Variants in CYRIA observed in about 807,000 individuals in gnomAD.
CYRIA encodes CYFIP related Rac1 interactor A, also known as CYFIP-related Rac1 interactor A.
Under a neutral mutation model 43.9 loss-of-function variants are expected in CYRIA, and 15 were observed. The ratio of observed to expected loss-of-function variants is 0.34; its 90% CI spans 0.23 to 0.53. CYRIA has a LOEUF of 0.53. Among genes scored for constraint, CYRIA ranks in the 20% least tolerant of loss-of-function variants. The pLI, the probability that CYRIA is intolerant of heterozygous loss-of-function variation, is 0.94. For missense variants in CYRIA, 236 were observed against 394.2 expected, an observed-to-expected ratio of 0.60 and a Z score of 3.40; for synonymous variants, 117 against 136.0, an observed-to-expected ratio of 0.86 and a Z score of 0.97.
chr2:16,630,479 A>G (rs1669294820), intron 1 of CYRIA, among the ~76,000 whole-genome samples: 1 of 152,044 alleles, frequency 6.6e-6, no homozygotes, highest in South Asian at 2.1e-4. Context: ...CTGTAGTTTA[A>G]CATCTCTCTG....
intron 1 of CYRIA, among the ~76,000 whole-genome samples, chr2:16,629,609 C>A (rs999293191): frequency 6.6e-6 from 1 of 152,218 alleles, no homozygotes; most frequent in Admixed American, 6.5e-5. Context: ...CAGCTCCTAG[C>A]AGCCCTAGAA....
chr2:16,606,443 T>C (rs1668399902), intron 2 of CYRIA, among the ~76,000 whole-genome samples: 1 of 151,888 alleles, frequency 6.6e-6, no homozygotes, highest in Non-Finnish European at 1.5e-5. Flanking sequence ...TTGAGACCCC[T>C]GGGATCATTC....
At chr2:16,663,650 G>A (rs1670320812) in intron 1 of CYRIA, among the ~76,000 whole-genome samples, 2 of 151,870 alleles carry the variant, frequency 1.3e-5, no homozygotes, top group African/African-American at 4.8e-5. Context: ...AATGCAAACT[G>A]AATTCTTCTT....
At position 16,615,988 on chromosome 2, in the gene CYRIA, T is replaced by C. The variant is rs565860700; in HGVS notation, c.-11+7876A>G. ...TCTTCTCTTCTGTTTCGCTCGATTA[T>C]CGCTGTGTGAGATCCTGCCCCAGAA... On this transcript the variant is annotated intron_variant, in intron 2 of 11. Coordinates refer to ENST00000381323, the MANE Select transcript of CYRIA (RefSeq NM_030797.4). Among the ~76,000 whole-genome samples the C allele has an allele frequency of 3.3e-5, 5 of 152,328 alleles. No individual in the cohort carries two copies. The South Asian group carries it at 1.0e-3, about 32-fold the overall frequency.
At chr2:16,616,615 C>T (rs1003320521) in intron 2 of CYRIA, among the ~76,000 whole-genome samples, 1 of 152,216 alleles carries the variant, frequency 6.6e-6, no homozygotes, top group Non-Finnish European at 1.5e-5. Flanking sequence ...ATGCTGGCCT[C>T]GGCTTTGCAA....
At chr2:16,600,035 C>T (rs987265396) in intron 2 of CYRIA, among the ~76,000 whole-genome samples, 6 of 152,340 alleles carry the variant, frequency 3.9e-5, no homozygotes, top group East Asian at 3.9e-4. Context: ...GGATTACAGG[C>T]GTGAGCCATC....
intron 1 of CYRIA, among the ~76,000 whole-genome samples, chr2:16,658,499 C>T (rs1163220907): frequency 6.6e-6 from 1 of 152,174 alleles, no homozygotes; most frequent in African/African-American, 2.4e-5. Context: ...AAGGAATTTG[C>T]CCAAGGAAAG....
At chr2:16,581,822 GAAAACGAA>G (rs1463419148) in intron 3 of CYRIA, among the ~76,000 whole-genome samples, 1 of 152,022 alleles carries the variant, frequency 6.6e-6, no homozygotes, top group Non-Finnish European at 1.5e-5. Flanking sequence ...ACAGGAAAAT[GAAAACGAA>G]TTGTCATACA....
chr2:16,565,643 T>C lies in CYRIA; in HGVS notation c.192+3A>G. 2 of 1,558,664 alleles carry C rather than the reference T, an allele frequency of 1.3e-6. No homozygotes were observed. Among genetic ancestry groups the C allele is most frequent in the African/African-American group, 1.4e-5 (1 of 73,996 alleles). ...TGTCAGTTCAGCGTGATCATTGACA[T>C]ACATCTCGGATCTCTGGGCCTGCGC... On this transcript the variant is annotated splice_donor_region_variant and intron_variant, in intron 4 of 11. Transcript: ENST00000381323.
At chr2:16,611,034 G>A (rs762906985) in intron 2 of CYRIA, among the ~76,000 whole-genome samples, 4 of 150,886 alleles carry the variant, frequency 2.7e-5, no homozygotes, top group African/African-American at 7.3e-5. Flanking sequence ...TCCATCCCCT[G>A]TATCTAGCAC....
intron 2 of CYRIA, among the ~76,000 whole-genome samples, chr2:16,616,310 A>G (rs549696091): frequency 1.1e-4 from 16 of 152,310 alleles, no homozygotes; most frequent in Admixed American, 3.9e-4. Context: ...TCACACTAGC[A>G]CCAAAAACTC....
chr2:16,563,554 T>C (rs936129400), intron 5 of CYRIA, among the ~76,000 whole-genome samples: 17 of 152,194 alleles, frequency 1.1e-4, no homozygotes, highest in African/African-American at 3.9e-4. Flanking sequence ...ACTTGCACAG[T>C]TTTTTAAAGC....
At chr2:16,579,488 TA>T (rs1325250867) in intron 3 of CYRIA, among the ~76,000 whole-genome samples, 6 of 151,206 alleles carry the variant, frequency 4.0e-5, no homozygotes, top group African/African-American at 1.2e-4. Context: ...CAATTTAAAA[TA>T]AAAAAACACA....
intron 3 of CYRIA, among the ~76,000 whole-genome samples, chr2:16,578,483 A>ATAT (rs1667430538): frequency 6.6e-6 from 1 of 152,258 alleles, no homozygotes; most frequent in African/African-American, 2.4e-5. Flanking sequence ...AATATGTTAA[A>ATAT]GAATCTATAA....
At chr2:16,605,029 T>C (rs1276253543) in intron 2 of CYRIA, among the ~76,000 whole-genome samples, 3 of 152,170 alleles carry the variant, frequency 2.0e-5, no homozygotes, top group Non-Finnish European at 4.4e-5. Context: ...AATATTCTCA[T>C]CGATCATTAA....
chr2:16,606,957 C>T (rs900580070), intron 2 of CYRIA, among the ~76,000 whole-genome samples: 2 of 150,676 alleles, frequency 1.3e-5, no homozygotes, highest in African/African-American at 4.9e-5. Context: ...ATGTTGGTAC[C>T]GAAACAAAAA....
chr2:16,573,862 CT>C (rs1667228845), intron 3 of CYRIA, among the ~76,000 whole-genome samples: 1 of 152,168 alleles, frequency 6.6e-6, no homozygotes, highest in Admixed American at 6.5e-5. Context: ...TCAGGTATGC[CT>C]TTATCAGTAG....
intron 2 of CYRIA, among the ~76,000 whole-genome samples, chr2:16,614,630 CA>C: frequency 6.6e-6 from 1 of 152,306 alleles, no homozygotes; most frequent in African/African-American, 2.4e-5. Context: ...GTGATTCCAA[CA>C]TGAGGTCTGA....
At chr2:16,661,151 T>G (rs1207521842) in intron 1 of CYRIA, among the ~76,000 whole-genome samples, 2 of 151,888 alleles carry the variant, frequency 1.3e-5, no homozygotes, top group East Asian at 1.9e-4. Context: ...GGTGCACACC[T>G]GTGGTCCCAG....
Sources: allele counts gnomAD v4.1 joint callset (sites outside exome capture counted in the v4.1 genomes callset), GRCh38; gene constraint gnomAD v4.1.1; transcripts MANE v1.5; gene names NCBI Gene and HGNC (gene_info 2026-07-23, HGNC 2026-07-21).